CCSER1: variants seen among roughly 807,000 people sequenced by gnomAD.
The protein encoded by CCSER1 is coiled-coil serine rich protein 1.
CCSER1 carries 41 observed loss-of-function variants against 82.0 expected under a neutral mutation model. The ratio of observed to expected loss-of-function variants is 0.50; its 90% CI spans 0.39 to 0.65. CCSER1 has a LOEUF of 0.65. Ranked by LOEUF, CCSER1 falls within the 30% of genes least tolerant of loss-of-function variation. The pLI, the probability that CCSER1 is intolerant of heterozygous loss-of-function variation, is 0.00. For missense variants in CCSER1, 1,119 were observed against 1,064.2 expected, an observed-to-expected ratio of 1.05 and a Z score of -0.72; for synonymous variants, 414 against 383.9, an observed-to-expected ratio of 1.08 and a Z score of -0.92.
intron 10 of CCSER1, among the ~76,000 whole-genome samples, chr4:91,488,939 A>G (rs995496527): frequency 2.6e-5 from 4 of 152,190 alleles, no homozygotes; most frequent in Admixed American, 1.3e-4. Context: ...TTAGGAAGTC[A>G]TAAGTTTCAA....
chr4:90,788,726 G>T (rs1256832918), intron 7 of CCSER1, among the ~76,000 whole-genome samples: 4 of 152,204 alleles, frequency 2.6e-5, no homozygotes, highest in Admixed American at 2.6e-4. Flanking sequence ...GAATTGGACA[G>T]GGGGCCGGGG....
chr4:91,485,818 AAAC>A (rs1578589442), intron 10 of CCSER1, among the ~76,000 whole-genome samples: 3 of 152,144 alleles, frequency 2.0e-5, no homozygotes, highest in African/African-American at 7.2e-5. Context: ...CAAAAAATCG[AAAC>A]AACAATGATT....
At chr4:90,430,390 T>C (rs1758107654) in intron 4 of CCSER1, among the ~76,000 whole-genome samples, 1 of 151,932 alleles carries the variant, frequency 6.6e-6, no homozygotes, top group Non-Finnish European at 1.5e-5. Flanking sequence ...TCAGTCTTTG[T>C]AAATGTGGAG....
At chr4:91,592,035 A>T (rs1346015648) in intron 10 of CCSER1, among the ~76,000 whole-genome samples, 1 of 152,182 alleles carries the variant, frequency 6.6e-6, no homozygotes, top group Non-Finnish European at 1.5e-5. Flanking sequence ...AGTAAATGCC[A>T]GGTACTGGTA....
At position 90,534,475 on chromosome 4, in the gene CCSER1, G is replaced by GTT. The variant is rs952677448; in HGVS notation, c.1724+66122_1724+66123insTT. On this transcript the variant is annotated intron_variant, in intron 5 of 10. Coordinates refer to ENST00000509176, the MANE Select transcript of CCSER1 (RefSeq NM_001145065.2). ...TGTGTGTGTGTGTGTGTGTGTGTGT[G>GTT]TGTGTGTGTGTGTGATGTTTACCTA... Among the ~76,000 whole-genome samples, 22 of 150,958 alleles carry GTT rather than the reference G, an allele frequency of 1.5e-4. No homozygotes were observed. The South Asian group carries it at 2.3e-3, about 16-fold the overall frequency.
At chr4:91,463,002 G>A (rs1560690845) in intron 10 of CCSER1, among the ~76,000 whole-genome samples, 1 of 152,192 alleles carries the variant, frequency 6.6e-6, no homozygotes, top group Non-Finnish European at 1.5e-5. Flanking sequence ...CAGCTTTGAA[G>A]AGAGTAGTGG....
intron 9 of CCSER1, among the ~76,000 whole-genome samples, chr4:90,964,011 G>A (rs930203623): frequency 6.6e-6 from 1 of 152,004 alleles, no homozygotes; most frequent in Non-Finnish European, 1.5e-5. Context: ...TTCATTATTA[G>A]AAACCAATTA....
chr4:91,214,060 G>T (rs1003205036), intron 10 of CCSER1, among the ~76,000 whole-genome samples: 1 of 152,068 alleles, frequency 6.6e-6, no homozygotes, highest in African/African-American at 2.4e-5. Context: ...AATTAGAAAA[G>T]AGAACATAAA....
chr4:90,684,182 TCA>T (rs1734394312), intron 6 of CCSER1, among the ~76,000 whole-genome samples: 1 of 152,212 alleles, frequency 6.6e-6, no homozygotes. Context: ...CTATTTTGTT[TCA>T]CTTTATTTTG....
chr4:90,871,826 G>C (rs1766543693), intron 8 of CCSER1, among the ~76,000 whole-genome samples: 1 of 151,528 alleles, frequency 6.6e-6, no homozygotes, highest in Non-Finnish European at 1.5e-5. Context: ...ATATTTGCTT[G>C]TTTATCTGGG....
At chr4:90,912,715 A>C (rs1351610780) in intron 8 of CCSER1, among the ~76,000 whole-genome samples, 1 of 152,206 alleles carries the variant, frequency 6.6e-6, no homozygotes, top group African/African-American at 2.4e-5. Flanking sequence ...GTTCGAACCC[A>C]TGGCAAAGAA....
chr4:90,814,148 C>G (rs1159257536), intron 7 of CCSER1, among the ~76,000 whole-genome samples: 1 of 152,204 alleles, frequency 6.6e-6, no homozygotes, highest in Non-Finnish European at 1.5e-5. Context: ...GAAGAAAGAC[C>G]TGGGCTGTAC....
chr4:90,256,225 C>CCTGCAGTCTTTGT (rs1282317629), intron 1 of CCSER1, among the ~76,000 whole-genome samples: 1 of 152,114 alleles, frequency 6.6e-6, no homozygotes, highest in African/African-American at 2.4e-5. Context: ...TCAAAATCTT[C>CCTGCAGTCTTTGT]CTGCAGTCTT....
At chr4:91,228,783 T>C (rs1309870723) in intron 10 of CCSER1, among the ~76,000 whole-genome samples, 1 of 152,068 alleles carries the variant, frequency 6.6e-6, no homozygotes. Flanking sequence ...GTATAAAATA[T>C]AGTCTGTGTG....
At chr4:90,533,000 CA>C (rs1469787982) in intron 5 of CCSER1, among the ~76,000 whole-genome samples, 1 of 151,192 alleles carries the variant, frequency 6.6e-6, no homozygotes, top group Non-Finnish European at 1.5e-5. Flanking sequence ...TGAGATTTTA[CA>C]GGGTTGAGGG....
At chr4:90,360,698 G>T (rs186526514) in intron 3 of CCSER1, among the ~76,000 whole-genome samples, 3 of 151,624 alleles carry the variant, frequency 2.0e-5, no homozygotes, top group Non-Finnish European at 4.4e-5. Context: ...AGTCCATTCT[G>T]CAGAAAAGAG....
intron 5 of CCSER1, among the ~76,000 whole-genome samples, chr4:90,605,816 AT>A (rs149272966): frequency 0.014 from 2,069 of 151,904 alleles, 55 homozygotes; most frequent in African/African-American, 0.047. Context: ...AGTTTTGTAT[AT>A]TTTTTTTCAA....
At chr4:91,350,257 C>T (rs545947907) in intron 10 of CCSER1, among the ~76,000 whole-genome samples, 170 of 152,170 alleles carry the variant, frequency 1.1e-3, no homozygotes, top group Middle Eastern at 6.8e-3. Flanking sequence ...TACCAGTTTG[C>T]ATTTTGTGTT....
At chr4:91,346,769 T>C (rs945837329) in intron 10 of CCSER1, among the ~76,000 whole-genome samples, 6 of 152,226 alleles carry the variant, frequency 3.9e-5, no homozygotes, top group African/African-American at 1.4e-4. Context: ...TTATTTGCCA[T>C]CTGTATATCT....
Sources: allele counts gnomAD v4.1 joint callset (sites outside exome capture counted in the v4.1 genomes callset), GRCh38; gene constraint gnomAD v4.1.1; transcripts MANE v1.5; gene names NCBI Gene and HGNC (gene_info 2026-07-23, HGNC 2026-07-21).